SPATA17: variants seen among roughly 807,000 people sequenced by gnomAD.
SPATA17 encodes spermatogenesis-associated protein 17.
Under a neutral mutation model 62.2 loss-of-function variants are expected in SPATA17, and 53 were observed. The ratio of observed to expected loss-of-function variants is 0.85; its 90% CI spans 0.68 to 1.07. SPATA17 has a LOEUF of 1.07. SPATA17 is among the 50% of genes least tolerant of loss of function. The probability of loss-of-function intolerance (pLI) is 0.00; values close to 1 mark genes in which losing one functional copy is unlikely to be tolerated. For missense variants in SPATA17, 466 were observed against 425.5 expected (o/e 1.10, Z -0.84); for synonymous variants, 146 against 146.8 (o/e 0.99, Z 0.04).
chr1:217,790,498 TG>T (rs1673970593), intron 8 of SPATA17, among the ~76,000 whole-genome samples: 1 of 152,188 alleles, frequency 6.6e-6, no homozygotes, highest in South Asian at 2.1e-4. Flanking sequence ...TGGAGTGCAG[TG>T]GCACGATCTC....
chr1:217,796,507 T>G (rs936963309), intron 8 of SPATA17, among the ~76,000 whole-genome samples: 49 of 152,320 alleles, frequency 3.2e-4, no homozygotes, highest in Admixed American at 2.5e-3. Flanking sequence ...GTTGAACAGA[T>G]AGTTTTGCCA....
At chr1:217,723,831 A>C (rs1435052238) in intron 5 of SPATA17, among the ~76,000 whole-genome samples, 1 of 152,358 alleles carries the variant, frequency 6.6e-6, no homozygotes, top group East Asian at 1.9e-4. Flanking sequence ...CAAATACTGC[A>C]TAACAGGAGT....
chr1:217,704,230 C>CTTTCTTTT (rs1671677874), intron 5 of SPATA17, among the ~76,000 whole-genome samples: 1 of 41,692 alleles, frequency 2.4e-5, no homozygotes, highest in Admixed American at 4.1e-4. Flanking sequence ...TTCCCTCTAC[C>CTTTCTTTT]TTTTTTTTTT....
At chr1:217,667,405 A>C (rs1474488501) in intron 3 of SPATA17, among the ~76,000 whole-genome samples, 1 of 152,170 alleles carries the variant, frequency 6.6e-6, no homozygotes, top group Non-Finnish European at 1.5e-5. Flanking sequence ...TAATGTGAGC[A>C]CTACTGATAA....
At chr1:217,651,074 TA>T (rs1670302197) in intron 2 of SPATA17, 22 bp from the exon 3 acceptor site, 1 of 1,532,264 alleles carries the variant, frequency 6.5e-7, no homozygotes, top group Non-Finnish European at 9.0e-7. Context: ...AGGATACTAA[TA>T]AGCATATTTT....
At chr1:217,842,686 T>G (rs138947026) in intron 9 of SPATA17, among the ~76,000 whole-genome samples, 21 of 152,140 alleles carry the variant, frequency 1.4e-4, no homozygotes, top group Admixed American at 8.5e-4. Context: ...TTAAGGATTT[T>G]TAAATTTCAT....
chr1:217,737,080 T>C (rs953423928), intron 5 of SPATA17, among the ~76,000 whole-genome samples: 10 of 152,164 alleles, frequency 6.6e-5, no homozygotes, highest in African/African-American at 2.4e-4. Context: ...TTAGGCAACA[T>C]GAGTATAGTA....
chr1:217,733,098 T>A (rs748326859), intron 5 of SPATA17, among the ~76,000 whole-genome samples: 1 of 152,182 alleles, frequency 6.6e-6, no homozygotes, highest in African/African-American at 2.4e-5. Context: ...AATGAAATAA[T>A]AGAGCAATTG....
At chr1:217,688,949 T>C (rs1282924706) in intron 5 of SPATA17, among the ~76,000 whole-genome samples, 1 of 152,160 alleles carries the variant, frequency 6.6e-6, no homozygotes, top group Non-Finnish European at 1.5e-5. Context: ...ACTAAAAGCT[T>C]ACCGAATGAA....
chr1:217,821,274 A>G (rs1185869157), intron 9 of SPATA17, among the ~76,000 whole-genome samples: 1 of 152,078 alleles, frequency 6.6e-6, no homozygotes, highest in East Asian at 1.9e-4. Flanking sequence ...CAGAATAAGA[A>G]AAGAGGAGCG....
chr1:217,676,925 T>C (rs1670959665), intron 4 of SPATA17, among the ~76,000 whole-genome samples: 1 of 152,198 alleles, frequency 6.6e-6, no homozygotes, highest in South Asian at 2.1e-4. Flanking sequence ...AAATTCCTTT[T>C]ACCCTGAAAT....
chr1:217,770,847 T>C (rs1673419902), intron 6 of SPATA17, among the ~76,000 whole-genome samples: 1 of 151,994 alleles, frequency 6.6e-6, no homozygotes, highest in Non-Finnish European at 1.5e-5. Context: ...GGTGACTGGG[T>C]AACAAATGGT....
chr1:217,690,473 ATTT>A (rs60737502), intron 5 of SPATA17, among the ~76,000 whole-genome samples: 8 of 79,532 alleles, frequency 1.0e-4, no homozygotes, highest in East Asian at 2.3e-4. Flanking sequence ...TTTATTTTTT[ATTT>A]TTTTTTTTTT....
intron 5 of SPATA17, among the ~76,000 whole-genome samples, chr1:217,727,270 A>G (rs994508503): frequency 5.8e-4 from 87 of 148,890 alleles, no homozygotes; most frequent in Non-Finnish European, 3.1e-4. Flanking sequence ...AATAATAATA[A>G]TAATAATAAT....
At chr1:217,819,013 T>A (rs1674793857) in intron 9 of SPATA17, among the ~76,000 whole-genome samples, 1 of 151,702 alleles carries the variant, frequency 6.6e-6, no homozygotes, top group Non-Finnish European at 1.5e-5. Flanking sequence ...TTTAAATAAG[T>A]TTCCTGCATG....
At chr1:217,769,800 T>TA (rs1673392716) in intron 6 of SPATA17, among the ~76,000 whole-genome samples, 1 of 152,344 alleles carries the variant, frequency 6.6e-6, no homozygotes, top group South Asian at 2.1e-4. Flanking sequence ...GTACTATATC[T>TA]GAGGGTTAAC....
chr1:217,663,736 G>A (rs755479787), intron 3 of SPATA17, among the ~76,000 whole-genome samples: 19 of 151,674 alleles, frequency 1.3e-4, no homozygotes, highest in Non-Finnish European at 5.9e-5. Flanking sequence ...TGATCTCATC[G>A]TGTCATCTAG....
chr1:217,866,215 T>C (rs1259791917), intron 10 of SPATA17, among the ~76,000 whole-genome samples: 2 of 152,202 alleles, frequency 1.3e-5, no homozygotes, highest in Non-Finnish European at 2.9e-5. Context: ...TGGCATCATG[T>C]GAACTTATAA....
intron 6 of SPATA17, among the ~76,000 whole-genome samples, chr1:217,747,362 T>G (rs1672785910): frequency 1.3e-5 from 2 of 152,098 alleles, no homozygotes; most frequent in African/African-American, 4.8e-5. Context: ...TGTTGTCTGC[T>G]CCACCTACTG....
Sources: gnomAD v4.1 joint callset for allele counts (sites outside exome capture counted in the v4.1 genomes callset) on GRCh38, gnomAD v4.1.1 for gene constraint, MANE v1.5 for transcripts, NCBI Gene and HGNC (gene_info 2026-07-23, HGNC 2026-07-21) for gene names.